The following LARGE1 variants were observed in gnomAD, a reference collection of about 807,000 sequenced individuals.
LARGE1 encodes LARGE xylosyl- and glucuronyltransferase 1, also known as xylosyl- and glucuronyltransferase LARGE1.
In LARGE1, 43 loss-of-function variants were observed where a neutral mutation model predicts 87.6. That is an observed-to-expected ratio of 0.49 (90% CI 0.38 to 0.63). LARGE1 has a LOEUF of 0.63. Among genes scored for constraint, LARGE1 ranks in the 30% least tolerant of loss-of-function variants. LARGE1 has a pLI of 0.00. For synonymous variants in LARGE1, 434 were observed against 394.6 expected (o/e 1.10, Z -1.18); for missense variants, 802 against 1,000.2 (o/e 0.80, Z 2.67).
At chr22:33,562,874 T>C (rs1303322577) in intron 6 of LARGE1, 1 of 152,594 alleles carries the variant, frequency 6.6e-6, no homozygotes, top group Non-Finnish European at 1.5e-5. Flanking sequence ...ATATATGCTG[T>C]GGGTTGAGTT....
chr22:33,711,056 A>C (rs2082716846), intron 2 of LARGE1, among the ~76,000 whole-genome samples: 1 of 152,120 alleles, frequency 6.6e-6, no homozygotes, highest in Admixed American at 6.5e-5. Flanking sequence ...ATAGATCCCA[A>C]GCAAGCAAGA....
chr22:33,635,378 C>T (rs73400706), intron 3 of LARGE1, among the ~76,000 whole-genome samples: 4,025 of 152,150 alleles, frequency 0.026, 167 homozygotes, highest in African/African-American at 0.092. Flanking sequence ...TGTAAGTTCT[C>T]CATAAACCCT....
At chr22:33,915,038 C>CAGAGAGAGAGAGAGAG (rs1385339734) in intron 1 of LARGE1, among the ~76,000 whole-genome samples, 2 of 114,754 alleles carry the variant, frequency 1.7e-5, no homozygotes, top group African/African-American at 6.7e-5. Flanking sequence ...CACACACACA[C>CAGAGAGAGAGAGAGAG]ACACAGAGAG....
At chr22:33,480,055 T>A (rs1012724437) in intron 6 of LARGE1, among the ~76,000 whole-genome samples, 1 of 152,122 alleles carries the variant, frequency 6.6e-6, no homozygotes, top group Non-Finnish European at 1.5e-5. Context: ...AGAATGCCTC[T>A]TATCGGTCAA....
intron 5 of LARGE1, among the ~76,000 whole-genome samples, chr22:33,572,874 A>G (rs1213226776): frequency 2.0e-5 from 3 of 152,086 alleles, no homozygotes; most frequent in Non-Finnish European, 4.4e-5. Context: ...TGTCTCAAAA[A>G]AAATTAAATA....
the LARGE1 span, among the ~76,000 whole-genome samples, chr22:33,093,505 G>A: frequency 5.3e-5 from 8 of 152,278 alleles, no homozygotes; most frequent in East Asian, 1.9e-4. Context: ...TTCAGTAAAC[G>A]TAAATGGACC....
chr22:33,441,146 C>T (rs2067461032), intron 6 of LARGE1, among the ~76,000 whole-genome samples: 1 of 134,022 alleles, frequency 7.5e-6, no homozygotes. Flanking sequence ...ACAATCTTGG[C>T]TCACTGCAAC....
At chr22:33,658,451 C>T (rs1199753061) in intron 2 of LARGE1, among the ~76,000 whole-genome samples, 1 of 152,166 alleles carries the variant, frequency 6.6e-6, no homozygotes, top group African/African-American at 2.4e-5. Context: ...CCTGCCAACT[C>T]CCCAACAGGC....
chr22:33,660,667 A>G lies in LARGE1; in HGVS notation c.107-9999T>C, dbSNP rs368731981. On this transcript the variant is annotated intron_variant, in intron 2 of 14. Transcript: ENST00000397394. ...TCATACATATGCAATAGTTGGACACAATCCCCTTTGTTGGTAGATTCATCA... is the reference window on the plus strand; with the variant it reads ...TCATACATATGCAATAGTTGGACACGATCCCCTTTGTTGGTAGATTCATCA... Among the ~76,000 whole-genome samples the G allele has an allele frequency of 9.9e-5, 15 of 152,230 alleles. No homozygotes were observed. In the East Asian group the frequency reaches 1.7e-3, roughly 18 times the overall value.
intron 11 of LARGE1, among the ~76,000 whole-genome samples, chr22:33,184,549 T>C (rs940784070): frequency 6.6e-6 from 1 of 150,992 alleles, no homozygotes; most frequent in Non-Finnish European, 1.5e-5. Context: ...GATAAGAAAA[T>C]TAAAATTATA....
At chr22:33,505,996 A>C (rs1405975071) in intron 6 of LARGE1, among the ~76,000 whole-genome samples, 1 of 152,194 alleles carries the variant, frequency 6.6e-6, no homozygotes, top group East Asian at 1.9e-4. Flanking sequence ...GTAGGTGCCA[A>C]TGTGCAAATC....
At chr22:33,427,469 C>G (rs1397956515) in intron 7 of LARGE1, among the ~76,000 whole-genome samples, 2 of 152,068 alleles carry the variant, frequency 1.3e-5, no homozygotes, top group Non-Finnish European at 2.9e-5. Context: ...GAAAGAAAAG[C>G]AAACAAAGAG....
At position 33,642,710 on chromosome 22, in the gene LARGE1, C is replaced by CAAAAAAAAAAAAAAAAAAAA. The variant is rs60815644; in HGVS notation, c.408+7637_408+7656dup. Among the ~76,000 whole-genome samples the CAAAAAAAAAAAAAAAAAAAA allele has an allele frequency of 4.6e-4, 8 of 17,354 alleles. 2 individuals are homozygous for CAAAAAAAAAAAAAAAAAAAA. The highest frequency in any genetic ancestry group is 1.3e-3 in the African/African-American group (5 of 3,814). 11.4% of individuals were successfully genotyped at this position (17,354 alleles called of 152,430 possible). ...GAATATTTACCAAGCAAATGGAAAG[C>CAAAAAAAAAAAAAAAAAAAA]AAAAAAAAAAAAAAAAAAAAAAAAA... On this transcript the variant is annotated intron_variant, in intron 3 of 14. Coordinates refer to ENST00000397394, the MANE Select transcript of LARGE1 (RefSeq NM_133642.5).
rs113122647 is a variant in LARGE1 at position 33,228,866 on chromosome 22, G to T, written c.1731-62034C>A. ...AGAGGGTGGAGAGATAGACAAAGGG[G>T]TAGGTGGAGAAAGAAAGAGAGAGAA... is the stretch of plus-strand genomic sequence containing the variant. On this transcript the variant is annotated intron_variant, in intron 11 of 11. Transcript: ENST00000608642. Among the ~76,000 whole-genome samples, 863 of 152,180 alleles carry T rather than the reference G, an allele frequency of 5.7e-3. 5 individuals are homozygous for T. Among genetic ancestry groups the T allele is most frequent in the Middle Eastern group, 0.02 (6 of 294 alleles).
At chr22:33,087,315 T>A in the LARGE1 span, among the ~76,000 whole-genome samples, 1 of 152,022 alleles carries the variant, frequency 6.6e-6, no homozygotes, top group Non-Finnish European at 1.5e-5. Context: ...TCAATTTAAT[T>A]ACCAATTAAG....
At chr22:33,866,956 G>A (rs896764137) in intron 1 of LARGE1, among the ~76,000 whole-genome samples, 2 of 152,102 alleles carry the variant, frequency 1.3e-5, no homozygotes, top group Non-Finnish European at 2.9e-5. Flanking sequence ...TACGCTAACA[G>A]GAACACCAAC....
chr22:33,864,067 T>C (rs1466422792), intron 1 of LARGE1, among the ~76,000 whole-genome samples: 1 of 152,194 alleles, frequency 6.6e-6, no homozygotes, highest in East Asian at 1.9e-4. Flanking sequence ...CCCTTTCTTC[T>C]TCCATTGCCT....
At chr22:33,735,887 G>A (rs2083638548) in intron 2 of LARGE1, among the ~76,000 whole-genome samples, 1 of 152,148 alleles carries the variant, frequency 6.6e-6, no homozygotes, top group African/African-American at 2.4e-5. Context: ...GGAATCACAT[G>A]TACATATGTG....
chr22:33,696,293 C>T (rs1177364956), intron 2 of LARGE1, among the ~76,000 whole-genome samples: 1 of 138,224 alleles, frequency 7.2e-6, no homozygotes, highest in East Asian at 2.1e-4. Flanking sequence ...GACAGAGTCT[C>T]ACTCTGTTGC....
Sources: allele counts gnomAD v4.1 joint callset (sites outside exome capture counted in the v4.1 genomes callset), GRCh38; gene constraint gnomAD v4.1.1; transcripts MANE v1.5; gene names NCBI Gene and HGNC (gene_info 2026-07-23, HGNC 2026-07-21).